The following TRIM54 variants were observed in gnomAD, a reference collection of about 807,000 sequenced individuals.
TRIM54 encodes the protein tripartite motif-containing protein 54.
In TRIM54, 40 loss-of-function variants were observed where a neutral mutation model predicts 42.0. The observed-to-expected ratio is 0.95, with a 90% CI of 0.74 to 1.24. TRIM54 has a LOEUF of 1.24. TRIM54 is among the 50% of genes most tolerant of loss of function. The probability of loss-of-function intolerance (pLI) is 0.00; values close to 1 mark genes in which losing one functional copy is unlikely to be tolerated. For synonymous variants in TRIM54, 199 were observed against 194.9 expected, an observed-to-expected ratio of 1.02 and a Z score of -0.17; for missense variants, 485 against 480.3, an observed-to-expected ratio of 1.01 and a Z score of -0.09.
At chr2:27,298,011 G>A (rs1425572225) in intron 1 of TRIM54, among the ~76,000 whole-genome samples, 6 of 151,320 alleles carry the variant, frequency 4.0e-5, no homozygotes, top group African/African-American at 1.2e-4. Flanking sequence ...AGGCCGGGGG[G>A]AGGGCATCAG....
rs1357882143 is a variant in TRIM54, at chr2:27,282,514, C to G, written c.-218C>G. The stretch of plus-strand genomic sequence containing the variant: ...TACAGAGAGAGAGGGATAGCTAAAA[C>G]TACGTGAGCCTGGCGAGGGTGCAGA... On this transcript the variant is annotated 5_prime_UTR_variant, in exon 1 of 9. Coordinates refer to ENST00000380075, the MANE Select transcript of TRIM54 (RefSeq NM_187841.3). 4 of 406,310 alleles carry G rather than the reference C, an allele frequency of 9.8e-6. No individual in the cohort carries two copies. The South Asian group carries it at 2.5e-4, about 25-fold the overall frequency. 25.2% of individuals were successfully genotyped at this position (406,310 alleles called of 1,614,324 possible).
chr2:27,285,858 CAA>C (rs137923273), intron 1 of TRIM54, among the ~76,000 whole-genome samples: 140 of 151,970 alleles, frequency 9.2e-4, no homozygotes, highest in African/African-American at 3.1e-3. Flanking sequence ...GGACAACAAA[CAA>C]GAGTTTTTGG....
At chr2:27,293,042 T>C (rs1377169547) in intron 1 of TRIM54, among the ~76,000 whole-genome samples, 1 of 152,240 alleles carries the variant, frequency 6.6e-6, no homozygotes, top group African/African-American at 2.4e-5. Flanking sequence ...TCTCTTTGTT[T>C]TTGTTATTTC....
At chr2:27,293,136 G>A (rs1004581036) in intron 1 of TRIM54, among the ~76,000 whole-genome samples, 1 of 151,652 alleles carries the variant, frequency 6.6e-6, no homozygotes, top group Non-Finnish European at 1.5e-5. Context: ...TTTTCTTTTT[G>A]TATTATCTGG....
intron 1 of TRIM54, among the ~76,000 whole-genome samples, chr2:27,296,708 G>A (rs970205837): frequency 2.0e-5 from 3 of 152,124 alleles, no homozygotes; most frequent in Admixed American, 1.3e-4. Context: ...ACATCCCAGA[G>A]CACAGCCAAT....
chr2:27,283,784 G>GCGCACACACACACACACA (rs367621533), intron 1 of TRIM54, among the ~76,000 whole-genome samples: 3 of 132,166 alleles, frequency 2.3e-5, no homozygotes, highest in Admixed American at 7.6e-5. Flanking sequence ...ACACACGCGC[G>GCGCACACACACACACACA]CACACACACA....
At chr2:27,299,583 T>C (rs1357833707) in intron 3 of TRIM54, 167 bp downstream of exon 3, 7 of 1,435,818 alleles carry the variant, frequency 4.9e-6, no homozygotes, top group Non-Finnish European at 6.6e-6. Flanking sequence ...CAAACACAAC[T>C]TACTGCAGCC....
At chr2:27,285,492 A>G (rs1209789674) in intron 1 of TRIM54, among the ~76,000 whole-genome samples, 1 of 152,244 alleles carries the variant, frequency 6.6e-6, no homozygotes, top group African/African-American at 2.4e-5. Context: ...TTCAAGCAGT[A>G]TAGGAGTTCA....
intron 1 of TRIM54, among the ~76,000 whole-genome samples, chr2:27,287,767 G>C (rs777680118): frequency 6.6e-6 from 1 of 152,326 alleles, no homozygotes; most frequent in East Asian, 1.9e-4. Flanking sequence ...GGCCTCAAGC[G>C]ATCCTCTCAG....
chr2:27,300,749 C>G (rs1312900468), intron 3 of TRIM54, among the ~76,000 whole-genome samples: 1 of 152,014 alleles, frequency 6.6e-6, no homozygotes, highest in African/African-American at 2.4e-5. Flanking sequence ...GCCTGTAGTC[C>G]CAGCTACTCG....
chr2:27,291,581 A>G (rs967859196), intron 1 of TRIM54, among the ~76,000 whole-genome samples: 9 of 152,202 alleles, frequency 5.9e-5, no homozygotes, highest in African/African-American at 9.7e-5. Flanking sequence ...AAACACAATG[A>G]GGGCGTCTAA....
At position 27,293,842 on chromosome 2, in the gene TRIM54, G is replaced by C. The variant is rs113466182; in HGVS notation, c.169-4725G>C. On this transcript the variant is annotated intron_variant, in intron 1 of 8. Transcript: ENST00000380075. ...TTCAAGACCAGCCTGGCCAACATGG[G>C]GAAACCCCATCTCTACTAAAAATGC... is the stretch of plus-strand genomic sequence containing the variant. 7.7e-3 allele frequency among the ~76,000 whole-genome samples: 1,177 copies of C among 151,964 alleles called. 9 individuals carry two copies. Among genetic ancestry groups the C allele is most frequent in the Non-Finnish European group, 0.012 (813 of 67,962 alleles).
chr2:27,300,501 G>T (rs188686438), intron 3 of TRIM54, among the ~76,000 whole-genome samples: 191 of 135,834 alleles, frequency 1.4e-3, no homozygotes, highest in Non-Finnish European at 2.1e-3. Context: ...TAGAGACAGG[G>T]TCTCAGGCAG....
In TRIM54 at chr2:27,282,798, C is replaced by T. The variant is rs1332494719; in HGVS notation, c.67C>T (p.Gln23Ter). Reference protein sequence around the residue: ...DAHSMDNLEKQLICPICLEMF... With the variant: ...DAHSMDNLEK Reference sequence around the variant, plus strand: ...ACACAGCATGGACAACCTGGAGAAGCAGCTCATCTGCCCCATCTGCCTGGA... The same window carrying T: ...ACACAGCATGGACAACCTGGAGAAGTAGCTCATCTGCCCCATCTGCCTGGA... The change falls in exon 1 of 9, where the codon CAG (glutamine) becomes TAG (stop). Residue 23 changes from glutamine (Q) to a stop codon, truncating the protein, a stop_gained. Coordinates refer to ENST00000380075, the MANE Select transcript of TRIM54 (RefSeq NM_187841.3). LOFTEE classifies it high-confidence loss of function. 7 of 1,614,026 alleles carry T rather than the reference C, an allele frequency of 4.3e-6. No homozygotes were observed. The highest frequency in any genetic ancestry group is 5.1e-6 in the Non-Finnish European group (6 of 1,179,944).
At position 27,305,447 on chromosome 2, in the gene TRIM54, G is replaced by A. The variant is rs1006503139; in HGVS notation, c.610-137G>A. ...TTATTATGGAAAAGATCTGGGCTGG[G>A]TTCTGGCTCAGCCACTAACTCACAG... On this transcript the variant is annotated intron_variant, in intron 4 of 8. Coordinates refer to ENST00000380075, the MANE Select transcript of TRIM54 (RefSeq NM_187841.3). The A allele has an allele frequency of 1.6e-5, 11 of 679,146 alleles. No individual in the cohort carries two copies. In the African/African-American group the frequency reaches 1.8e-4, roughly 11 times the overall value. 42.1% of individuals were successfully genotyped at this position (679,146 alleles called of 1,614,324 possible).
intron 2 of TRIM54, 137 bp from the exon 3 acceptor site, chr2:27,299,108 G>T: frequency 1.0e-6 from 1 of 954,752 alleles, no homozygotes. Context: ...AGAGCTCTGT[G>T]GAAGTACTCA....
rs779257792 is a variant in TRIM54, at chr2:27,305,572, C to G, written c.610-12C>G. 1.5e-5 allele frequency: 24 copies of G among 1,608,506 alleles called. No homozygotes were observed. The highest frequency in any genetic ancestry group is 1.9e-5 in the Non-Finnish European group (22 of 1,176,218). On this transcript the variant is annotated splice_polypyrimidine_tract_variant and intron_variant, in intron 4 of 8. Coordinates refer to ENST00000380075, the MANE Select transcript of TRIM54 (RefSeq NM_187841.3). ...GCCACGCCTTCCCTCATCCTTGCTC[C>G]CCATCTTTTAGGACAATAGCCGGAG... is the stretch of plus-strand genomic sequence containing the variant.
rs370912255 is a variant in TRIM54 at position 27,305,808 on chromosome 2, G to C, written c.834G>C (p.Leu278=). The change falls in exon 5 of 9, where the codon CTG becomes CTC. Residue 278 remains leucine (L), a synonymous_variant. Coordinates refer to ENST00000380075, the MANE Select transcript of TRIM54 (RefSeq NM_187841.3). ...CCATGGAAGAGCCACAAATGGCGCTGTATCTCCAGGTGGGCTCTAGGGGAG... is the reference window on the plus strand; with the variant it reads ...CCATGGAAGAGCCACAAATGGCGCTCTATCTCCAGGTGGGCTCTAGGGGAG... ...IQSMEEPQMA[L]YLQQAKELIN... 6.3e-7 allele frequency: 1 copy of C among 1,598,814 alleles called. No individual in the cohort carries two copies. Among genetic ancestry groups the C allele is most frequent in the Non-Finnish European group, 8.5e-7 (1 of 1,172,736 alleles).
intron 1 of TRIM54, among the ~76,000 whole-genome samples, chr2:27,293,031 A>C (rs142038779): frequency 6.6e-6 from 1 of 152,100 alleles, no homozygotes; most frequent in East Asian, 1.9e-4. Flanking sequence ...GATCACTTAT[A>C]TCTCTTTGTT....
Sources: gnomAD v4.1 joint callset for allele counts (sites outside exome capture counted in the v4.1 genomes callset) on GRCh38, gnomAD v4.1.1 for gene constraint, MANE v1.5 for transcripts, NCBI Gene and HGNC (gene_info 2026-07-23, HGNC 2026-07-21) for gene names.